SMIM35: variants seen among roughly 807,000 people sequenced by gnomAD.
SMIM35 encodes small integral membrane protein 35.
chr11:118,018,028 A>G (rs1234584960), intron 1 of SMIM35, among the ~76,000 whole-genome samples: 1 of 152,216 alleles, frequency 6.6e-6, no homozygotes, highest in Non-Finnish European at 1.5e-5. Context: ...CAGCCAAACC[A>G]TACCAGGAGG....
intron 1 of SMIM35, among the ~76,000 whole-genome samples, chr11:118,066,510 C>A (rs60007061): frequency 0.057 from 8,712 of 152,224 alleles, 364 homozygotes; most frequent in East Asian, 0.19. Context: ...CTCCAAAGTT[C>A]TTTGATCTCT....
At chr11:118,012,931 G>A (rs1591273798) in intron 4 of SMIM35, among the ~76,000 whole-genome samples, 2 of 152,344 alleles carry the variant, frequency 1.3e-5, no homozygotes, top group Middle Eastern at 6.8e-3. Context: ...GTGTCTGGAG[G>A]CCTTGCCCAC....
intron 1 of SMIM35, among the ~76,000 whole-genome samples, chr11:118,062,117 G>A (rs1373094236): frequency 3.9e-5 from 6 of 152,188 alleles, no homozygotes; most frequent in Non-Finnish European, 7.3e-5. Flanking sequence ...ATCACCTGAG[G>A]TCAGGAGTTC....
chr11:118,010,699 G>C (rs1277083897), intron 4 of SMIM35, among the ~76,000 whole-genome samples: 1 of 152,208 alleles, frequency 6.6e-6, no homozygotes, highest in African/African-American at 2.4e-5. Flanking sequence ...ATGGCCAGGA[G>C]GGGAGGGGCT....
chr11:118,043,982 T>G (rs1396416385), intron 1 of SMIM35, among the ~76,000 whole-genome samples: 2 of 151,852 alleles, frequency 1.3e-5, no homozygotes, highest in Non-Finnish European at 2.9e-5. Flanking sequence ...AAACATTAAA[T>G]TATATACTTC....
intron 1 of SMIM35, among the ~76,000 whole-genome samples, chr11:118,078,341 AAG>A (rs1944857278): frequency 6.6e-6 from 1 of 152,182 alleles, no homozygotes; most frequent in South Asian, 2.1e-4. Context: ...AAGGGAAGGG[AAG>A]AGAGGAAAGG....
chr11:118,024,635 G>T (rs1407159477), intron 1 of SMIM35, among the ~76,000 whole-genome samples: 1 of 152,092 alleles, frequency 6.6e-6, no homozygotes, highest in Admixed American at 6.5e-5. Context: ...ACCATGCCTG[G>T]CTAATTTTTG....
chr11:118,032,195 T>G (rs1464440167), intron 1 of SMIM35, among the ~76,000 whole-genome samples: 2 of 152,180 alleles, frequency 1.3e-5, no homozygotes, highest in Non-Finnish European at 2.9e-5. Context: ...CAACTTGTGA[T>G]TCTGAATTGT....
intron 1 of SMIM35, among the ~76,000 whole-genome samples, chr11:118,040,317 G>A (rs1943980785): frequency 6.6e-6 from 1 of 152,164 alleles, no homozygotes; most frequent in Non-Finnish European, 1.5e-5. Context: ...AGTAAAAAAT[G>A]CTGAAAGTAA....
chr11:118,052,431 G>A (rs1225923777), intron 1 of SMIM35, among the ~76,000 whole-genome samples: 1 of 152,180 alleles, frequency 6.6e-6, no homozygotes, highest in Non-Finnish European at 1.5e-5. Flanking sequence ...AGGAGGATTT[G>A]CCAGGAGGCC....
rs2058161879 is a variant in SMIM35 at position 118,013,746 on chromosome 11, A to G, written c.*33+2T>C. ...TCGGCAGCTCTCCCAACTCCAACTC[A>G]CCTCCCCAGGGCTTCACAAGTTGCT... On this transcript the variant is annotated splice_donor_variant, in intron 4 of 4. Transcript: ENST00000689828. LOFTEE classifies it low-confidence loss of function (3UTR_SPLICE). The G allele has an allele frequency of 2.5e-6, 1 of 398,454 alleles. No individual in the cohort carries two copies. Among genetic ancestry groups the G allele is most frequent in the African/African-American group, 2.1e-5 (1 of 48,416 alleles). 24.7% of individuals were successfully genotyped at this position (398,454 alleles called of 1,614,324 possible).
At chr11:118,040,912 T>C (rs1943989380) in intron 1 of SMIM35, among the ~76,000 whole-genome samples, 1 of 151,956 alleles carries the variant, frequency 6.6e-6, no homozygotes, top group East Asian at 1.9e-4. Flanking sequence ...GTTTGTAACA[T>C]TAATAGATGT....
intron 1 of SMIM35, chr11:118,076,942 C>G (rs1040054990): frequency 8.2e-6 from 2 of 244,052 alleles, no homozygotes; most frequent in African/African-American, 2.2e-5. Context: ...GTTCTGAGGC[C>G]GAAGGTCCCA....
chr11:118,015,537 G>T (rs376370214), intron 2 of SMIM35, among the ~76,000 whole-genome samples, 156 bp downstream of exon 2: 1 of 152,174 alleles, frequency 6.6e-6, no homozygotes, highest in South Asian at 2.1e-4. Flanking sequence ...CAACTGCTCA[G>T]CCACCCACTC....
intron 1 of SMIM35, among the ~76,000 whole-genome samples, chr11:118,034,320 T>A (rs2058341785): frequency 6.6e-6 from 1 of 152,168 alleles, no homozygotes; most frequent in Non-Finnish European, 1.5e-5. Flanking sequence ...AATACATGTC[T>A]ACTACAAATA....
At chr11:118,070,936 C>G (rs570423669) in intron 1 of SMIM35, among the ~76,000 whole-genome samples, 117 of 152,266 alleles carry the variant, frequency 7.7e-4, no homozygotes, top group African/African-American at 2.6e-3. Context: ...TGGGTTACAC[C>G]GACCTGGATC....
chr11:118,025,983 A>AACTGTATAT, intron 1 of SMIM35: 1 of 305,268 alleles, frequency 3.3e-6, no homozygotes, highest in Non-Finnish European at 6.2e-6. Context: ...GGTGAAAGTT[A>AACTGTATAT]GGGGTCCAGT....
chr11:118,071,845 A>C (rs1027234982), intron 1 of SMIM35, among the ~76,000 whole-genome samples: 3 of 152,188 alleles, frequency 2.0e-5, no homozygotes, highest in Non-Finnish European at 4.4e-5. Flanking sequence ...GGATCTTGGA[A>C]TGCAGACTCT....
At chr11:118,048,910 T>TGCA (rs982184844) in intron 1 of SMIM35, among the ~76,000 whole-genome samples, 1 of 120,236 alleles carries the variant, frequency 8.3e-6, no homozygotes, top group Non-Finnish European at 1.6e-5. Flanking sequence ...TCCTTCCTCC[T>TGCA]GCAGCCTCAT....
Sources: gnomAD v4.1 joint callset for allele counts (sites outside exome capture counted in the v4.1 genomes callset) on GRCh38, gnomAD v4.1.1 for gene constraint, MANE v1.5 for transcripts, NCBI Gene and HGNC (gene_info 2026-07-23, HGNC 2026-07-21) for gene names.